The following GREB1 variants were observed in gnomAD, a reference collection of about 807,000 sequenced individuals.
GREB1 encodes the protein growth regulating estrogen receptor binding 1.
In GREB1, 106 loss-of-function variants were observed where a neutral mutation model predicts 200.7. That is an observed-to-expected ratio of 0.53 (90% CI 0.45 to 0.62). GREB1 has a LOEUF of 0.62. Ranked by LOEUF, GREB1 falls within the 20% of genes least tolerant of loss-of-function variation. The pLI, the probability that GREB1 is intolerant of heterozygous loss-of-function variation, is 0.00. For synonymous variants in GREB1, 1,132 were observed against 1,092.4 expected (o/e 1.04, Z -0.72); for missense variants, 2,243 against 2,556.8 (o/e 0.88, Z 2.65).
At chr2:11,607,765 G>T (rs981335729) in intron 17 of GREB1, among the ~76,000 whole-genome samples, 4 of 151,854 alleles carry the variant, frequency 2.6e-5, no homozygotes, top group African/African-American at 7.3e-5. Flanking sequence ...TATTAATCAG[G>T]ACTCTTTGTT....
chr2:11,594,048 G>T (rs965134412), intron 11 of GREB1, among the ~76,000 whole-genome samples: 2 of 152,010 alleles, frequency 1.3e-5, no homozygotes, highest in Non-Finnish European at 2.9e-5. Context: ...TTGTCACCTC[G>T]GCTGAAGTGC....
chr2:11,598,725 A>G lies in GREB1; in HGVS notation c.2198A>G (p.Gln733Arg), dbSNP rs778542788. ...CTGAAGAAAGAGCACATGACGAAGCAGAGGGTGGAACAGTATGTTCTGAAG... is the reference window on the plus strand; with the variant it reads ...CTGAAGAAAGAGCACATGACGAAGCGGAGGGTGGAACAGTATGTTCTGAAG... ...LGLKKEHMTKQRVEQYVLKLD... is the reference protein window; with the variant it reads ...LGLKKEHMTKRRVEQYVLKLD... The change falls in exon 15 of 33, where the codon CAG becomes CGG. Residue 733 changes from glutamine to arginine, a missense_variant. Transcript: ENST00000381486. 1.2e-6 allele frequency: 2 copies of G among 1,614,248 alleles called. No homozygotes were observed.
At chr2:11,484,598 AAAAAAAAAAAGAAAGAAAG>A (rs1445509123) in intron 1 of GREB1, among the ~76,000 whole-genome samples, 2 of 151,460 alleles carry the variant, frequency 1.3e-5, no homozygotes, top group Admixed American at 1.3e-4. Flanking sequence ...AAAACAAAAA[AAAAAAAAAAAGAAAGAAAG>A]AAAAAGAAAG....
At chr2:11,623,140 G>A (rs1684145408) in intron 23 of GREB1, among the ~76,000 whole-genome samples, 1 of 152,154 alleles carries the variant, frequency 6.6e-6, no homozygotes, top group Admixed American at 6.5e-5. Context: ...GAGATTCTAG[G>A]GGAACTGAAA....
intron 1 of GREB1, among the ~76,000 whole-genome samples, chr2:11,491,367 A>G (rs559993507): frequency 6.6e-6 from 1 of 152,348 alleles, no homozygotes; most frequent in South Asian, 2.1e-4. Context: ...AAATGTCCAA[A>G]TCCTGACAAT....
chr2:11,634,260 G>A lies in GREB1; in HGVS notation c.5121G>A (p.Glu1707=). ...GGTCCAGCAAGACCCGGGCCAGCGA[G>A]GTGCAAGAGCCCTTCTCCCGCTGCC... The part of the protein sequence containing the change: ...RKWSSKTRAS[E]VQEPFSRCHV... Residue 1707 remains glutamate (E), a synonymous_variant, in exon 29 of 33, where the codon GAG becomes GAA. Coordinates refer to ENST00000381486, the MANE Select transcript of GREB1 (RefSeq NM_014668.4). 1.2e-6 allele frequency: 2 copies of A among 1,614,214 alleles called. No individual in the cohort carries two copies. The highest frequency in any genetic ancestry group is 1.1e-5 in the South Asian group (1 of 91,086).
At chr2:11,545,110 G>C (rs895934575) in intron 1 of GREB1, among the ~76,000 whole-genome samples, 4 of 150,756 alleles carry the variant, frequency 2.7e-5, no homozygotes, top group Non-Finnish European at 4.4e-5. Flanking sequence ...CCACCGGCCC[G>C]GCCTGCTCTC....
At chr2:11,586,316 C>T (rs930474809) in intron 9 of GREB1, among the ~76,000 whole-genome samples, 26 of 152,266 alleles carry the variant, frequency 1.7e-4, no homozygotes, top group Non-Finnish European at 1.9e-4. Context: ...CTCCTGTTAT[C>T]ACCCACGCCA....
chr2:11,518,934 A>T (rs1673608277), intron 1 of GREB1, among the ~76,000 whole-genome samples: 1 of 151,430 alleles, frequency 6.6e-6, no homozygotes, highest in Admixed American at 6.6e-5. Flanking sequence ...CTCTGTCTCT[A>T]CTAAAAATAC....
chr2:11,515,197 G>A (rs1024262550), intron 1 of GREB1, among the ~76,000 whole-genome samples: 10 of 149,912 alleles, frequency 6.7e-5, no homozygotes, highest in African/African-American at 2.0e-4. Flanking sequence ...GTTCATGCAC[G>A]CACCCACTCA....
chr2:11,592,712 C>A, intron 10 of GREB1, 64 bp from the exon 11 acceptor site: 1 of 1,090,436 alleles, frequency 9.2e-7, no homozygotes, highest in Non-Finnish European at 1.3e-6. Flanking sequence ...CACATCACTG[C>A]ACCCGTGCGT....
In GREB1 at chr2:11,641,350, A is replaced by G. The variant is rs1436619963; in HGVS notation, c.*896A>G. ...CTGAAGTAGCTCATTTTCTCTTACT[A>G]ATGTTTGGTTCCTCAGGGAAGAATC... On this transcript the variant is annotated 3_prime_UTR_variant, in exon 33 of 33. Transcript: ENST00000381486. The G allele has an allele frequency of 6.6e-6, 1 of 152,196 alleles. No individual in the cohort carries two copies. The highest frequency in any genetic ancestry group is 2.4e-5 in the African/African-American group (1 of 41,448). 9.4% of individuals were successfully genotyped at this position (152,196 alleles called of 1,614,324 possible). A position where few individuals can be genotyped will look rare whatever the true frequency, so the allele number is the denominator to read the frequency against.
intron 22 of GREB1, among the ~76,000 whole-genome samples, chr2:11,620,417 C>T (rs929159983): frequency 2.6e-5 from 4 of 152,030 alleles, no homozygotes; most frequent in African/African-American, 4.8e-5. Flanking sequence ...GGGAACTCTA[C>T]GTTATAGGAA....
Position 11,612,553 on chromosome 2 carries a change from G to T in GREB1, c.3065G>T (p.Gly1022Val). ...CCCCAGACTTACTTGGAGCTGGAGG[G>T]TCTGCCTTGCATCCTGATCTTCAGT... is the stretch of plus-strand genomic sequence containing the variant. ...WRPQTYLELEGLPCILIFSGM... is the reference protein window; with the variant it reads ...WRPQTYLELEVLPCILIFSGM... Residue 1022 changes from glycine (G) to valine (V), a missense_variant, in exon 19 of 33, where the codon GGT (glycine) becomes GTT (valine). Physicochemically the swap from Gly to Val is moderately radical, Grantham distance 109. Transcript: ENST00000381486. 1.2e-6 allele frequency: 2 copies of T among 1,613,124 alleles called. No homozygotes were observed. Among genetic ancestry groups the T allele is most frequent in the Non-Finnish European group, 1.7e-6 (2 of 1,179,872 alleles).
intron 3 of GREB1, among the ~76,000 whole-genome samples, chr2:11,563,656 C>T (rs1196037475): frequency 6.6e-6 from 1 of 152,220 alleles, no homozygotes; most frequent in Non-Finnish European, 1.5e-5. Context: ...CTCTCTGAGC[C>T]TCTGCTTCCT....
At position 11,612,490 on chromosome 2, in the gene GREB1, T is replaced by A; in HGVS notation, c.3007-5T>A. 1 of 1,596,222 alleles carries A rather than the reference T, an allele frequency of 6.3e-7. No homozygotes were observed. On this transcript the variant is annotated splice_polypyrimidine_tract_variant and splice_region_variant and intron_variant, in intron 18 of 32. Transcript: ENST00000381486. ...GTGGCTTTATTTCTTTTTCGTTATC[T>A]GCAGATGTGGCAGAAAATTGAGGAT...
chr2:11,532,512 G>A (rs528973426), upstream of GREB1, among the ~76,000 whole-genome samples: 1 of 152,290 alleles, frequency 6.6e-6, no homozygotes, highest in South Asian at 2.1e-4. Context: ...AACTTTAGCA[G>A]TGAAAAAAAG....
Position 11,556,456 on chromosome 2 carries a change from G to A in GREB1, c.-159G>A. On this transcript the variant is annotated splice_region_variant and 5_prime_UTR_variant, in exon 2 of 33. Transcript: ENST00000381486. ...AACTTCCTGTAATTGCCCGGCAGTA[G>A]CTGCAGCTGAGGACAGCCACCCTTT... 1.8e-6 allele frequency: 1 copy of A among 545,158 alleles called. No individual in the cohort carries two copies. Among genetic ancestry groups the A allele is most frequent in the South Asian group, 3.3e-5 (1 of 30,308 alleles). 33.8% of individuals were successfully genotyped at this position (545,158 alleles called of 1,614,324 possible). A position where few individuals can be genotyped will look rare whatever the true frequency, so the allele number is the denominator to read the frequency against.
chr2:11,585,352 G>A, intron 8 of GREB1, 78 bp downstream of exon 8: 3 of 832,610 alleles, frequency 3.6e-6, no homozygotes, highest in Middle Eastern at 2.6e-4. Flanking sequence ...GTGTATGTGT[G>A]CGTGTGTGCG....
Sources: allele counts gnomAD v4.1 joint callset (sites outside exome capture counted in the v4.1 genomes callset), GRCh38; gene constraint gnomAD v4.1.1; transcripts MANE v1.5; gene names NCBI Gene and HGNC (gene_info 2026-07-23, HGNC 2026-07-21).